The following HMGB1 variants were observed in gnomAD, a reference collection of about 807,000 sequenced individuals.
HMGB1 encodes high mobility group protein B1.
For missense variants in HMGB1, 79 were observed against 253.5 expected, an observed-to-expected ratio of 0.31 and a Z score of 4.67; for synonymous variants, 81 against 84.0, an observed-to-expected ratio of 0.96 and a Z score of 0.19.
intron 1 of HMGB1, among the ~76,000 whole-genome samples, chr13:30,571,141 A>C (rs1169624151): frequency 1.3e-5 from 2 of 152,212 alleles, no homozygotes; most frequent in African/African-American, 4.8e-5. Flanking sequence ...GGAATGCACA[A>C]TCACAAGAAA....
chr13:30,486,168 C>T (rs924000212), intron 1 of HMGB1, among the ~76,000 whole-genome samples: 2 of 152,164 alleles, frequency 1.3e-5, no homozygotes, highest in Non-Finnish European at 2.9e-5. Flanking sequence ...GGTACAGCAA[C>T]AATGTTCTCT....
intron 1 of HMGB1, among the ~76,000 whole-genome samples, chr13:30,538,810 TCTCCC>T: frequency 1.2e-5 from 1 of 82,784 alleles, no homozygotes; most frequent in Admixed American, 1.2e-4. Flanking sequence ...TTTCTCTCTC[TCTCCC>T]CCTTTCTTTC....
Position 30,464,092 on chromosome 13 carries a change from T to C in HMGB1, c.-14-398A>G, listed in dbSNP as rs778671488. ...TGCCAATTCGTGGCTTTGCACTAGA[T>C]AGGGAATAAACAAGGGCCTAAGCGA... On this transcript the variant is annotated intron_variant, in intron 1 of 4. Transcript: ENST00000341423. 9 of 985,936 alleles carry C rather than the reference T, an allele frequency of 9.1e-6. No homozygotes were observed. In the South Asian group the frequency reaches 1.4e-4, roughly 15 times the overall value. The allele number at this position is 985,936 out of a possible 1,614,324, so 61.1% of individuals were successfully genotyped here. A position where few individuals can be genotyped will look rare whatever the true frequency, so the allele number is the denominator to read the frequency against.
chr13:30,521,844 A>T (rs969559573), intron 1 of HMGB1, among the ~76,000 whole-genome samples: 7 of 152,198 alleles, frequency 4.6e-5, no homozygotes, highest in African/African-American at 1.7e-4. Flanking sequence ...GCAGTATATG[A>T]GGGTTTCAAT....
rs114947505 is a variant in HMGB1 at position 30,474,817 on chromosome 13, A to G, written c.-14-11123T>C. ...GCTCTATCGCCTAAGCTGGAGTGCA[A>G]TGGTGCAACCTTGGCACTCTCTCTC... On this transcript the variant is annotated intron_variant, in intron 1 of 4. Transcript: ENST00000405805. 2.1e-3 allele frequency among the ~76,000 whole-genome samples: 282 copies of G among 135,964 alleles called. 1 individual carries two copies. The highest frequency in any genetic ancestry group is 7.7e-3 in the African/African-American group (269 of 34,996). The allele number at this position is 135,964 out of a possible 152,430, so 89.2% of individuals were successfully genotyped here. A position where few individuals can be genotyped will look rare whatever the true frequency, so the allele number is the denominator to read the frequency against.
At chr13:30,554,794 GA>G in intron 1 of HMGB1, 1 of 765,186 alleles carries the variant, frequency 1.3e-6, no homozygotes. Flanking sequence ...GAACAAAAAA[GA>G]AAAAGGCCAA....
intron 1 of HMGB1, chr13:30,553,657 T>C: frequency 1.4e-6 from 1 of 717,982 alleles, no homozygotes; most frequent in Non-Finnish European, 2.5e-6. Flanking sequence ...TAAGATTCAC[T>C]ATTTGTCCCA....
At chr13:30,485,119 C>T (rs868130065) in intron 1 of HMGB1, among the ~76,000 whole-genome samples, 58 of 151,060 alleles carry the variant, frequency 3.8e-4, no homozygotes, top group African/African-American at 1.4e-3. Context: ...GCAATCCCCA[C>T]CTCCCGGGTT....
chr13:30,510,206 T>A (rs973115180), intron 1 of HMGB1, among the ~76,000 whole-genome samples: 1 of 152,190 alleles, frequency 6.6e-6, no homozygotes, highest in Non-Finnish European at 1.5e-5. Context: ...ACATAATATA[T>A]CCTCAACAAG....
chr13:30,559,152 TG>T lies in HMGB1; in HGVS notation c.-15+57518del, dbSNP rs556845103. Among the ~76,000 whole-genome samples the T allele has an allele frequency of 5.8e-4, 88 of 151,468 alleles. No homozygotes were observed. The highest frequency in any genetic ancestry group is 1.6e-3 in the African/African-American group (66 of 41,262). The stretch of plus-strand genomic sequence containing the variant: ...CTTACATTGCCAAATGTACCTGGGG[TG>T]GGGGGTGCGGGTGGAGGAAAAATTG... On this transcript the variant is annotated intron_variant, in intron 1 of 4. Coordinates refer to the HMGB1 transcript ENST00000405805. The surrounding 1 kb of genome is among the most constrained non-coding windows in gnomAD (Gnocchi z 6.6).
At chr13:30,501,527 A>C (rs897189672) in intron 1 of HMGB1, among the ~76,000 whole-genome samples, 2 of 151,848 alleles carry the variant, frequency 1.3e-5, no homozygotes, top group African/African-American at 4.8e-5. Context: ...AAGAAGGGTA[A>C]GATTAAAATC....
chr13:30,487,535 A>G (rs1420431931), intron 1 of HMGB1, among the ~76,000 whole-genome samples: 2 of 152,220 alleles, frequency 1.3e-5, no homozygotes, highest in African/African-American at 4.8e-5. Flanking sequence ...CAACCTATAT[A>G]TAAACTTTGT....
chr13:30,481,657 T>G (rs1887231359), intron 1 of HMGB1, among the ~76,000 whole-genome samples: 1 of 152,188 alleles, frequency 6.6e-6, no homozygotes, highest in Non-Finnish European at 1.5e-5. Context: ...ACAACACATC[T>G]GCCATCATGA....
At chr13:30,471,416 CG>C (rs1338163823) in intron 1 of HMGB1, among the ~76,000 whole-genome samples, 3 of 151,916 alleles carry the variant, frequency 2.0e-5, no homozygotes, top group Admixed American at 6.5e-5. Flanking sequence ...GGCGCGATCT[CG>C]GCTCACTGCA....
Position 30,458,258 on chromosome 13 carries a change from T to C in HMGB1, c.*3099A>G, listed in dbSNP as rs1176595300. The C allele has an allele frequency of 1.3e-5, 2 of 152,034 alleles. No individual in the cohort carries two copies. Among genetic ancestry groups the C allele is most frequent in the African/African-American group, 4.8e-5 (2 of 41,398 alleles). 9.4% of individuals were successfully genotyped at this position (152,034 alleles called of 1,614,324 possible). A position where few individuals can be genotyped will look rare whatever the true frequency, so the allele number is the denominator to read the frequency against. ...ACCAAGCAGACCTAAATGTGAACTT[T>C]CATCAAGGACTATGTGATGTCAAGC... is the stretch of plus-strand genomic sequence containing the variant. On this transcript the variant is annotated 3_prime_UTR_variant, in exon 5 of 5. Transcript: ENST00000341423.
At chr13:30,563,443 T>A (rs532085139) in intron 1 of HMGB1, among the ~76,000 whole-genome samples, 1 of 152,016 alleles carries the variant, frequency 6.6e-6, no homozygotes, top group African/African-American at 2.4e-5. Flanking sequence ...ATCCCATCTC[T>A]CTAAAAAATT....
intron 1 of HMGB1, among the ~76,000 whole-genome samples, chr13:30,538,563 C>CTTTCT: frequency 1.3e-5 from 1 of 75,302 alleles, no homozygotes; most frequent in African/African-American, 8.3e-5. Context: ...CTTTTTCTTT[C>CTTTCT]TTCTTTTTCT....
intron 1 of HMGB1, among the ~76,000 whole-genome samples, chr13:30,555,045 T>TTG (rs1869621297): frequency 1.5e-5 from 2 of 137,278 alleles, no homozygotes; most frequent in Admixed American, 7.3e-5. Flanking sequence ...TTTTTTTTTT[T>TTG]TTTTTTTTTT....
chr13:30,609,187 CG>C (rs1566039697), intron 1 of HMGB1, among the ~76,000 whole-genome samples: 1 of 152,146 alleles, frequency 6.6e-6, no homozygotes, highest in East Asian at 1.9e-4. Context: ...GGCGTGAACC[CG>C]GAAGGCGGAG....
Sources: gnomAD v4.1 joint callset for allele counts (sites outside exome capture counted in the v4.1 genomes callset) on GRCh38, gnomAD v4.1.1 for gene constraint, Gnocchi (gnomAD v3.1) non-coding constraint, MANE v1.5 for transcripts, NCBI Gene and HGNC (gene_info 2026-07-23, HGNC 2026-07-21) for gene names.